The following RNF217 variants were observed in gnomAD, a reference collection of about 807,000 sequenced individuals.
RNF217 encodes the protein E3 ubiquitin-protein ligase RNF217.
In RNF217, 31 loss-of-function variants were observed where a neutral mutation model predicts 57.8. The ratio of observed to expected loss-of-function variants is 0.54; its 90% confidence interval spans 0.40 to 0.72. RNF217 has a LOEUF of 0.72. Ranked by LOEUF, RNF217 falls within the 30% of genes least tolerant of loss-of-function variation. The pLI, the probability that RNF217 is intolerant of heterozygous loss-of-function variation, is 0.00. For missense variants in RNF217, 696 were observed against 708.3 expected (o/e 0.98, Z 0.20); for synonymous variants, 313 against 294.0 (o/e 1.06, Z -0.66).
intron 1 of RNF217, chr6:124,983,221 C>G (rs1784242233): frequency 4.6e-6 from 1 of 215,154 alleles, no homozygotes; most frequent in East Asian, 1.8e-4. Context: ...TTTATTAAGT[C>G]TTTGGACCAT....
At chr6:125,040,346 A>G (rs1786828485) in intron 1 of RNF217, among the ~76,000 whole-genome samples, 1 of 152,174 alleles carries the variant, frequency 6.6e-6, no homozygotes, top group Non-Finnish European at 1.5e-5. Flanking sequence ...TCTAGAAGAA[A>G]TGGATAAATC....
rs114157995 is a variant in RNF217 at position 124,965,937 on chromosome 6, G to A, written c.882+2511G>A. Among the ~76,000 whole-genome samples the A allele has an allele frequency of 4.3e-3, 655 of 152,244 alleles. 7 individuals are homozygous for A. Among genetic ancestry groups the A allele is most frequent in the African/African-American group, 0.015 (618 of 41,532 alleles). ...GGTCTGTATCTTTAGCATCTACAGC[G>A]TTGTCTGGTATATAACAGATGGGCA... On this transcript the variant is annotated intron_variant, in intron 1 of 5. Transcript: ENST00000521654.
chr6:124,989,405 A>G (rs1486397607), intron 1 of RNF217, among the ~76,000 whole-genome samples: 1 of 152,210 alleles, frequency 6.6e-6, no homozygotes, highest in East Asian at 1.9e-4. Flanking sequence ...GTAATGAGAA[A>G]AGTAATGCAA....
In RNF217 at chr6:125,020,429, T is replaced by C. The variant is rs554199857; in HGVS notation, c.883-24782T>C. Among the ~76,000 whole-genome samples, 3 of 152,356 alleles carry C rather than the reference T, an allele frequency of 2.0e-5. No homozygotes were observed. In the South Asian group the frequency reaches 6.2e-4, roughly 32 times the overall value. ...CAAACAATATTCTGTGAGCATTTGG[T>C]ATTCACAAGTCCGCCTAGTTTTTAC... On this transcript the variant is annotated intron_variant, in intron 1 of 5. Coordinates refer to ENST00000521654, the MANE Select transcript of RNF217 (RefSeq NM_001286398.3).
intron 3 of RNF217, among the ~76,000 whole-genome samples, chr6:125,064,286 C>T (rs757824649): frequency 3.9e-5 from 6 of 152,102 alleles, no homozygotes; most frequent in Non-Finnish European, 7.4e-5. Context: ...AAATCTGGAG[C>T]AGGGGTTATC....
chr6:125,027,693 T>C (rs1395168939), intron 1 of RNF217, among the ~76,000 whole-genome samples: 1 of 152,174 alleles, frequency 6.6e-6, no homozygotes, highest in Non-Finnish European at 1.5e-5. Context: ...CTGGATCATA[T>C]GGTAGCTCAA....
chr6:125,032,351 C>G (rs1786396835), intron 1 of RNF217, among the ~76,000 whole-genome samples: 1 of 152,038 alleles, frequency 6.6e-6, no homozygotes, highest in Non-Finnish European at 1.5e-5. Flanking sequence ...GAACTCCATA[C>G]CCATAATTCT....
chr6:125,058,303 T>A lies in RNF217; in HGVS notation c.1281+197T>A, dbSNP rs1207371319. Among the ~76,000 whole-genome samples the A allele has an allele frequency of 2.0e-5, 3 of 152,168 alleles. No individual in the cohort carries two copies. The East Asian group carries it at 5.8e-4, about 29-fold the overall frequency. On this transcript the variant is annotated intron_variant, in intron 3 of 5. Coordinates refer to ENST00000521654, the MANE Select transcript of RNF217 (RefSeq NM_001286398.3). ...ACCATGTATATTCTTATTTTTGCAT[T>A]ACTCTTCAAAATTTAAGGAGGCCAC...
At chr6:125,021,907 A>T (rs1785857012) in intron 1 of RNF217, among the ~76,000 whole-genome samples, 1 of 151,790 alleles carries the variant, frequency 6.6e-6, no homozygotes. Flanking sequence ...TTTGAGATGG[A>T]GTCTCACTCT....
chr6:125,056,585 G>A lies in RNF217; in HGVS notation c.1117-1357G>A, dbSNP rs1368045018. ...TAACAGAAGAGCTGTGATTGTAATT[G>A]CCACTCAGCTAATTAGTCTATATAG... On this transcript the variant is annotated intron_variant, in intron 2 of 5. Transcript: ENST00000521654. 1.7e-4 allele frequency among the ~76,000 whole-genome samples: 26 copies of A among 152,116 alleles called. 1 individual carries two copies.
chr6:124,967,843 A>G (rs7767549), intron 1 of RNF217, among the ~76,000 whole-genome samples: 4,289 of 152,054 alleles, frequency 0.028, 215 homozygotes, highest in African/African-American at 0.099. Flanking sequence ...CAATGGCTTC[A>G]TCTTGGCTCA....
chr6:125,085,711 A>G lies in RNF217; in HGVS notation c.*2774A>G, dbSNP rs1275901880. 1 of 151,644 alleles carries G rather than the reference A, an allele frequency of 6.6e-6. No individual in the cohort carries two copies. Among genetic ancestry groups the G allele is most frequent in the Non-Finnish European group, 1.5e-5 (1 of 67,744 alleles). 9.4% of individuals were successfully genotyped at this position (151,644 alleles called of 1,614,324 possible). On this transcript the variant is annotated 3_prime_UTR_variant, in exon 6 of 6. Coordinates refer to ENST00000521654, the MANE Select transcript of RNF217 (RefSeq NM_001286398.3). ...AAATACAACTTTCTCTACTTACCCC[A>G]CCTCTTATTTTCTAGGGGTAACCAC...
intron 1 of RNF217, among the ~76,000 whole-genome samples, chr6:124,992,423 T>C (rs1784593771): frequency 6.6e-6 from 1 of 152,106 alleles, no homozygotes; most frequent in Non-Finnish European, 1.5e-5. Context: ...CTATAGAACA[T>C]TGATTTTAAG....
intron 1 of RNF217, 44 bp from the exon 2 acceptor site, chr6:125,045,167 A>C (rs1182483547): frequency 1.6e-6 from 2 of 1,278,002 alleles, no homozygotes; most frequent in Admixed American, 2.1e-5. Flanking sequence ...AAAGAAAATA[A>C]CCAGTGACGT....
At chr6:124,988,714 T>C (rs983998890) in intron 1 of RNF217, among the ~76,000 whole-genome samples, 7 of 152,240 alleles carry the variant, frequency 4.6e-5, no homozygotes, top group African/African-American at 1.7e-4. Flanking sequence ...ATTTGTTTAA[T>C]CTTTAAACTT....
chr6:124,971,457 TG>T, intron 1 of RNF217: 1 of 311,004 alleles, frequency 3.2e-6, no homozygotes, highest in Admixed American at 3.7e-5. Context: ...AGTTTTTTTT[TG>T]TTTGTTTGTT....
chr6:125,036,044 ATAGTTATTTCTCC>A (rs1314733600), intron 1 of RNF217, among the ~76,000 whole-genome samples: 1 of 151,580 alleles, frequency 6.6e-6, no homozygotes, highest in Non-Finnish European at 1.5e-5. Context: ...CCCGCATGCG[ATAGTTATTTCTCC>A]TAATGCTATC....
At chr6:125,058,344 T>G (rs747956220) in intron 3 of RNF217, among the ~76,000 whole-genome samples, 1 of 152,166 alleles carries the variant, frequency 6.6e-6, no homozygotes, top group Non-Finnish European at 1.5e-5. Context: ...AATATTGACT[T>G]AAGACATTGA....
At chr6:125,031,745 A>G (rs752335531) in intron 1 of RNF217, among the ~76,000 whole-genome samples, 3 of 152,012 alleles carry the variant, frequency 2.0e-5, no homozygotes, top group South Asian at 2.1e-4. Flanking sequence ...ACATTTTCCT[A>G]TCTTCTTCTG....
Sources: allele counts gnomAD v4.1 joint callset (sites outside exome capture counted in the v4.1 genomes callset), GRCh38; gene constraint gnomAD v4.1.1; transcripts MANE v1.5; gene names NCBI Gene and HGNC (gene_info 2026-07-23, HGNC 2026-07-21).